DOCK3: variants seen among roughly 807,000 people sequenced by gnomAD.
DOCK3 encodes the protein dedicator of cytokinesis 3.
A neutral mutation model predicts 265.6 loss-of-function variants in DOCK3; 60 were observed. That is an observed-to-expected ratio of 0.23 (90% confidence interval 0.18 to 0.28). The LOEUF (loss-of-function observed/expected upper bound fraction) is 0.28, where lower values mean the gene tolerates loss of function less well. Ranked by LOEUF, DOCK3 falls within the 10% of genes least tolerant of loss-of-function variation. The pLI is 1.00. For missense variants in DOCK3, 1,981 were observed against 2,594.3 expected (o/e 0.76, Z 5.14); for synonymous variants, 881 against 938.0 (o/e 0.94, Z 1.11).
intron 1 of DOCK3, among the ~76,000 whole-genome samples, chr3:50,705,002 C>T (rs1173380581): frequency 2.0e-5 from 3 of 149,646 alleles, no homozygotes; most frequent in African/African-American, 4.9e-5. Flanking sequence ...ACTTATTCCT[C>T]TCCATTTGCT....
intron 23 of DOCK3, among the ~76,000 whole-genome samples, chr3:51,261,637 G>C (rs1358000827): frequency 6.6e-6 from 1 of 152,182 alleles, no homozygotes; most frequent in Non-Finnish European, 1.5e-5. Flanking sequence ...CACCCCCACG[G>C]AGCCCAGCAA....
chr3:51,089,427 A>G, intron 8 of DOCK3, 143 bp downstream of exon 8: 1 of 1,032,756 alleles, frequency 9.7e-7, no homozygotes, highest in Non-Finnish European at 1.4e-6. Flanking sequence ...TTTGACCTCT[A>G]AACAGTTTTG....
At chr3:50,874,094 A>T (rs1372296190) in intron 3 of DOCK3, among the ~76,000 whole-genome samples, 160 of 53,034 alleles carry the variant, frequency 3.0e-3, no homozygotes, top group Middle Eastern at 0.016. Flanking sequence ...AAATTGTTGT[A>T]CTCTTAGTGG....
chr3:50,804,739 G>A (rs1443714937), intron 2 of DOCK3, among the ~76,000 whole-genome samples: 3 of 151,706 alleles, frequency 2.0e-5, no homozygotes, highest in African/African-American at 7.3e-5. Flanking sequence ...GAGAGAGAGG[G>A]AGAGAGAGAC....
intron 4 of DOCK3, among the ~76,000 whole-genome samples, chr3:50,902,221 G>A (rs1051533757): frequency 4.6e-5 from 7 of 151,984 alleles, no homozygotes; most frequent in Admixed American, 2.6e-4. Flanking sequence ...TGCTTTTGTC[G>A]CAATTGCTTT....
At chr3:50,777,719 G>C (rs138174295) in intron 1 of DOCK3, among the ~76,000 whole-genome samples, 127 of 152,136 alleles carry the variant, frequency 8.3e-4, no homozygotes, top group African/African-American at 2.9e-3. Context: ...TTCTCAGCTT[G>C]ATTTTTGGTG....
chr3:50,949,885 G>A (rs1431007373), intron 5 of DOCK3, among the ~76,000 whole-genome samples: 1 of 151,862 alleles, frequency 6.6e-6, no homozygotes, highest in Non-Finnish European at 1.5e-5. Flanking sequence ...TGGCTTTGCC[G>A]ATCCTCTATT....
At chr3:51,078,296 C>T (rs2082119981) in intron 7 of DOCK3, among the ~76,000 whole-genome samples, 1 of 152,090 alleles carries the variant, frequency 6.6e-6, no homozygotes, top group South Asian at 2.1e-4. Context: ...AAAAATCTCC[C>T]TGAAAACAGA....
At chr3:50,994,101 AC>A (rs1333331312) in intron 5 of DOCK3, among the ~76,000 whole-genome samples, 1 of 152,202 alleles carries the variant, frequency 6.6e-6, no homozygotes. Flanking sequence ...GAGTGGCAGG[AC>A]TGAGAGACCT....
intron 3 of DOCK3, among the ~76,000 whole-genome samples, chr3:50,881,712 T>C (rs1312207536): frequency 6.6e-6 from 1 of 152,222 alleles, no homozygotes; most frequent in Non-Finnish European, 1.5e-5. Context: ...ATAGATTCAA[T>C]GCTGTCCCCA....
chr3:50,832,749 A>T (rs1320456091), intron 2 of DOCK3, among the ~76,000 whole-genome samples: 1 of 152,126 alleles, frequency 6.6e-6, no homozygotes, highest in Non-Finnish European at 1.5e-5. Context: ...TAGTAGAGGG[A>T]TGAAGATCTA....
chr3:50,976,972 C>G (rs892341824), intron 5 of DOCK3, among the ~76,000 whole-genome samples: 9 of 117,686 alleles, frequency 7.6e-5, no homozygotes, highest in Non-Finnish European at 1.3e-4. Context: ...CAACCCCTGC[C>G]TTTTTTTGTT....
intron 27 of DOCK3, among the ~76,000 whole-genome samples, chr3:51,302,130 A>C (rs1347097239): frequency 6.6e-6 from 1 of 152,030 alleles, no homozygotes; most frequent in African/African-American, 2.4e-5. Flanking sequence ...TTGGATGCAT[A>C]TATATTTAGG....
chr3:51,333,303 C>T (rs757190353), intron 35 of DOCK3, 50 bp downstream of exon 35: 6 of 1,569,520 alleles, frequency 3.8e-6, no homozygotes, highest in African/African-American at 1.4e-5. Flanking sequence ...GATACTCTCT[C>T]TGGCAAGGGA....
intron 1 of DOCK3, among the ~76,000 whole-genome samples, chr3:50,701,475 T>G (rs2036035914): frequency 1.3e-5 from 2 of 152,296 alleles, no homozygotes; most frequent in South Asian, 4.1e-4. Context: ...CCTTGTATAT[T>G]CTGTATGTTA....
intron 9 of DOCK3, among the ~76,000 whole-genome samples, chr3:51,116,222 TGGGCA>T (rs2083731483): frequency 6.6e-6 from 1 of 151,926 alleles, no homozygotes; most frequent in African/African-American, 2.4e-5. Flanking sequence ...GAGGCCAAGG[TGGGCA>T]GATCATGATG....
chr3:50,750,509 T>C (rs1278898626), intron 1 of DOCK3, among the ~76,000 whole-genome samples: 1 of 151,978 alleles, frequency 6.6e-6, no homozygotes, highest in African/African-American at 2.4e-5. Context: ...TTTGTATTTT[T>C]AGTAGAGACG....
intron 20 of DOCK3, 66 bp from the exon 21 acceptor site, chr3:51,237,423 GT>G (rs2078394709): frequency 9.6e-6 from 13 of 1,353,156 alleles, no homozygotes; most frequent in Middle Eastern, 1.8e-4. Flanking sequence ...GGAAGACTCT[GT>G]TTCCTGCTGG....
chr3:50,838,841 T>G (rs2045661722), intron 2 of DOCK3, among the ~76,000 whole-genome samples: 1 of 152,264 alleles, frequency 6.6e-6, no homozygotes, highest in Non-Finnish European at 1.5e-5. Context: ...TCTCTTTTCC[T>G]TACTGTCTTC....
Sources: gnomAD v4.1 joint callset for allele counts (sites outside exome capture counted in the v4.1 genomes callset) on GRCh38, gnomAD v4.1.1 for gene constraint, MANE v1.5 for transcripts, NCBI Gene and HGNC (gene_info 2026-07-23, HGNC 2026-07-21) for gene names.